Variants in CACNA1A observed in about 807,000 individuals in gnomAD.
CACNA1A encodes the protein calcium voltage-gated channel subunit alpha1 A.
In CACNA1A, 57 loss-of-function variants were observed where a neutral mutation model predicts 262.4. That is an observed-to-expected ratio of 0.22 (90% CI 0.18 to 0.27). CACNA1A has a LOEUF of 0.27. CACNA1A is among the 10% of genes least tolerant of loss of function. The probability of loss-of-function intolerance (pLI) is 1.00; values close to 1 mark genes in which losing one functional copy is unlikely to be tolerated. For missense variants in CACNA1A, 2,526 were observed against 3,562.8 expected (o/e 0.71, Z 7.41); for synonymous variants, 1,431 against 1,419.3 (o/e 1.01, Z -0.18).
chr19:13,347,968 T>G (rs562539926), intron 6 of CACNA1A, among the ~76,000 whole-genome samples: 44 of 152,238 alleles, frequency 2.9e-4, no homozygotes, highest in Middle Eastern at 6.8e-3. Flanking sequence ...TCACCCAGGC[T>G]GGAGTGCAGG....
chr19:13,411,396 C>T (rs1401873470), intron 3 of CACNA1A, among the ~76,000 whole-genome samples: 1 of 152,108 alleles, frequency 6.6e-6, no homozygotes, highest in East Asian at 1.9e-4. Flanking sequence ...GGGCAGTTTC[C>T]CCCATACTGT....
At chr19:13,463,174 C>T (rs2061157073) in intron 1 of CACNA1A, among the ~76,000 whole-genome samples, 1 of 151,794 alleles carries the variant, frequency 6.6e-6, no homozygotes, top group Non-Finnish European at 1.5e-5. Flanking sequence ...AATGCAGGTG[C>T]ACTTGGGGCC....
intron 1 of CACNA1A, among the ~76,000 whole-genome samples, chr19:13,482,214 G>A (rs1979407806): frequency 6.6e-6 from 1 of 152,226 alleles, no homozygotes; most frequent in Middle Eastern, 3.4e-3. Flanking sequence ...GGCCGGGTGC[G>A]GTGGCTCACG....
chr19:13,274,472 C>T (rs1216308215), intron 24 of CACNA1A: 3 of 152,194 alleles, frequency 2.0e-5, no homozygotes, highest in Non-Finnish European at 4.4e-5. Flanking sequence ...GATTCTCTCA[C>T]GATGGGAGTG....
At chr19:13,439,429 T>C (rs2060674101) in intron 3 of CACNA1A, among the ~76,000 whole-genome samples, 2 of 147,262 alleles carry the variant, frequency 1.4e-5, no homozygotes, top group Admixed American at 1.4e-4. Context: ...TGACGGAGTC[T>C]CGTTCTGTCG....
chr19:13,301,525 G>C (rs1393086216), intron 17 of CACNA1A, among the ~76,000 whole-genome samples: 1 of 152,246 alleles, frequency 6.6e-6, no homozygotes, highest in African/African-American at 2.4e-5. Context: ...ACTGCCCAGG[G>C]TGCTGCTGCT....
intron 9 of CACNA1A, among the ~76,000 whole-genome samples, chr19:13,331,767 C>A (rs1295447918): frequency 6.6e-6 from 1 of 151,318 alleles, no homozygotes; most frequent in Non-Finnish European, 1.5e-5. Flanking sequence ...CTCAAGTGAT[C>A]CTCCCACCTC....
At chr19:13,399,596 C>T (rs562168752) in intron 3 of CACNA1A, among the ~76,000 whole-genome samples, 3 of 152,272 alleles carry the variant, frequency 2.0e-5, no homozygotes, top group African/African-American at 7.2e-5. Context: ...CTCATTTTTA[C>T]AGACAGACCC....
intron 31 of CACNA1A, among the ~76,000 whole-genome samples, chr19:13,242,387 T>G (rs1257007523): frequency 6.6e-6 from 1 of 152,150 alleles, no homozygotes; most frequent in Non-Finnish European, 1.5e-5. Context: ...TCTCGCCTCC[T>G]GAGAATCAAG....
intron 3 of CACNA1A, among the ~76,000 whole-genome samples, chr19:13,384,177 G>A (rs973815966): frequency 1.3e-5 from 2 of 152,146 alleles, no homozygotes; most frequent in Admixed American, 6.6e-5. Flanking sequence ...GCTCCACGAG[G>A]ACAGGGGCTT....
intron 3 of CACNA1A, among the ~76,000 whole-genome samples, chr19:13,427,390 T>C (rs1403766173): frequency 6.6e-6 from 1 of 151,670 alleles, no homozygotes. Context: ...AGGCGGAGGT[T>C]GCAGTGAGCC....
rs558283504 is a variant in CACNA1A, at chr19:13,320,935, G to A, written c.1346-3614C>T. ...GTACTAAGTATTCCCAGCCGGACGT[G>A]TTATTATGAAGTACATCCTAGTTCA... On this transcript the variant is annotated intron_variant, in intron 10 of 46. Transcript: ENST00000360228. 4.6e-5 allele frequency among the ~76,000 whole-genome samples: 7 copies of A among 150,998 alleles called. No individual in the cohort carries two copies. The East Asian group carries it at 1.4e-3, about 29-fold the overall frequency.
At chr19:13,398,590 G>A (rs1382922426) in intron 3 of CACNA1A, among the ~76,000 whole-genome samples, 2 of 152,216 alleles carry the variant, frequency 1.3e-5, no homozygotes, top group East Asian at 3.9e-4. Flanking sequence ...AAGCAGAGAA[G>A]TATAGTAGAT....
At position 13,280,336 on chromosome 19, in the gene CACNA1A, C is replaced by T. The variant is rs191952957; in HGVS notation, c.3822+2931G>A. Among the ~76,000 whole-genome samples, 1,151 of 149,360 alleles carry T rather than the reference C, an allele frequency of 7.7e-3. 14 individuals carry two copies. The highest frequency in any genetic ancestry group is 0.028 in the African/African-American group (1,112 of 40,292). ...GACCACAGGTGTGCACCACCACGCTCGGTTAATTAAAAAAAAAAAAATTTT... is the reference window on the plus strand; with the variant it reads ...GACCACAGGTGTGCACCACCACGCTTGGTTAATTAAAAAAAAAAAAATTTT... On this transcript the variant is annotated intron_variant, in intron 22 of 46. Transcript: ENST00000360228.
chr19:13,259,468 G>T, intron 27 of CACNA1A, 96 bp downstream of exon 27: 1 of 1,238,418 alleles, frequency 8.1e-7, no homozygotes, highest in Non-Finnish European at 1.1e-6. Flanking sequence ...CACCATGCCC[G>T]GCCTCCAAGA....
intron 3 of CACNA1A, among the ~76,000 whole-genome samples, chr19:13,398,752 AGGATTCAACGT>A (rs2144683919): frequency 6.6e-6 from 1 of 152,364 alleles, no homozygotes; most frequent in Admixed American, 6.5e-5. Context: ...GGACAGAGTG[AGGATTCAACGT>A]GATCATTCAT....
intron 37 of CACNA1A, chr19:13,225,658 AAC>A (rs1328795498): frequency 6.6e-6 from 1 of 151,928 alleles, no homozygotes; most frequent in African/African-American, 2.4e-5. Context: ...GTGGGCAGGA[AAC>A]ACAGAGTTGA....
At chr19:13,492,042 T>A (rs974085086) in intron 1 of CACNA1A, among the ~76,000 whole-genome samples, 1 of 152,116 alleles carries the variant, frequency 6.6e-6, no homozygotes, top group African/African-American at 2.4e-5. Context: ...CCACTTTTAC[T>A]GATGAGGAAA....
intron 3 of CACNA1A, among the ~76,000 whole-genome samples, chr19:13,423,313 C>T (rs752079): frequency 0.06 from 9,180 of 152,054 alleles, 522 homozygotes; most frequent in East Asian, 0.25. Flanking sequence ...TGGCAGAGTG[C>T]GTGATGGAGG....
Sources: gnomAD v4.1 joint callset for allele counts (sites outside exome capture counted in the v4.1 genomes callset) on GRCh38, gnomAD v4.1.1 for gene constraint, MANE v1.5 for transcripts, NCBI Gene and HGNC (gene_info 2026-07-23, HGNC 2026-07-21) for gene names.